Variants in MCC observed in about 807,000 individuals in gnomAD.
The protein encoded by MCC is colorectal mutant cancer protein.
MCC carries 90 observed loss-of-function variants against 116.2 expected under a neutral mutation model. That is an observed-to-expected ratio of 0.77 (90% confidence interval 0.65 to 0.92). MCC has a LOEUF of 0.92. Ranked by LOEUF, MCC falls within the 40% of genes least tolerant of loss-of-function variation. The pLI is 0.00. For synonymous variants in MCC, 578 were observed against 510.5 expected (o/e 1.13, Z -1.78); for missense variants, 1,516 against 1,312.2 (o/e 1.16, Z -2.40).
At chr5:113,445,323 T>G (rs1302254149) in intron 1 of MCC, among the ~76,000 whole-genome samples, 1 of 152,146 alleles carries the variant, frequency 6.6e-6, no homozygotes. Flanking sequence ...GCTGACAATA[T>G]AATTCTATAC....
chr5:113,483,965 G>T (rs1772446597), intron 1 of MCC, among the ~76,000 whole-genome samples: 1 of 152,130 alleles, frequency 6.6e-6, no homozygotes, highest in African/African-American at 2.4e-5. Context: ...ATATCACATG[G>T]TCTCACATAT....
At chr5:113,445,154 T>C (rs929809804) in intron 1 of MCC, among the ~76,000 whole-genome samples, 2 of 152,150 alleles carry the variant, frequency 1.3e-5, no homozygotes, top group South Asian at 2.1e-4. Flanking sequence ...AGTACCCTTA[T>C]TTATCTAAGT....
At chr5:113,242,247 T>A (rs1764397250) in intron 3 of MCC, among the ~76,000 whole-genome samples, 1 of 152,228 alleles carries the variant, frequency 6.6e-6, no homozygotes, top group Non-Finnish European at 1.5e-5. Flanking sequence ...GCTGAAAGAC[T>A]AAACTTGGAG....
chr5:113,385,840 T>G (rs1476462277), intron 1 of MCC, among the ~76,000 whole-genome samples: 1 of 152,198 alleles, frequency 6.6e-6, no homozygotes, highest in East Asian at 1.9e-4. Context: ...AATCTCAATG[T>G]CTTCCAGGAC....
Position 113,431,769 on chromosome 5 carries a change from G to A in MCC, c.171-46557C>T, listed in dbSNP as rs202185900. 8.1e-5 allele frequency among the ~76,000 whole-genome samples: 8 copies of A among 98,704 alleles called. 1 individual carries two copies. Among genetic ancestry groups the A allele is most frequent in the Admixed American group, 2.8e-4 (2 of 7,174 alleles). The allele number at this position is 98,704 out of a possible 152,430, so 64.8% of individuals were successfully genotyped here. A position where few individuals can be genotyped will look rare whatever the true frequency, so the allele number is the denominator to read the frequency against. On this transcript the variant is annotated intron_variant, in intron 1 of 18. Transcript: ENST00000408903. ...CCAGCAGTTTGGGAGGCCAAGGGGG[G>A]GGGGGGGTGGATCACGAGGTCAAGA...
intron 17 of MCC, among the ~76,000 whole-genome samples, chr5:113,040,462 C>T (rs1751626778): frequency 6.6e-6 from 1 of 152,148 alleles, no homozygotes; most frequent in African/African-American, 2.4e-5. Context: ...TGGTGTCTGG[C>T]ACCATCCTTT....
At chr5:113,197,174 T>C (rs1762453513) in intron 3 of MCC, among the ~76,000 whole-genome samples, 2 of 152,148 alleles carry the variant, frequency 1.3e-5, no homozygotes, top group Non-Finnish European at 2.9e-5. Context: ...CTTAAATACG[T>C]TCTGGGTCGA....
chr5:113,313,278 C>T (rs562150306), intron 3 of MCC, among the ~76,000 whole-genome samples: 17 of 152,146 alleles, frequency 1.1e-4, no homozygotes, highest in Admixed American at 7.9e-4. Flanking sequence ...ACCCAGGAGG[C>T]GGAGGTTGCA....
intron 3 of MCC, 89 bp downstream of exon 3, chr5:113,340,430 G>A (rs1417439568): frequency 3.2e-5 from 34 of 1,074,720 alleles, no homozygotes; most frequent in African/African-American, 1.1e-4. Flanking sequence ...GACAATACCC[G>A]ATATGTCCCC....
At chr5:113,442,693 A>G (rs1265010163) in intron 1 of MCC, among the ~76,000 whole-genome samples, 1 of 152,122 alleles carries the variant, frequency 6.6e-6, no homozygotes, top group Non-Finnish European at 1.5e-5. Context: ...TAAGGAAGGG[A>G]TCCAGTTTCA....
chr5:113,099,766 G>T (rs1384842183), intron 8 of MCC, among the ~76,000 whole-genome samples: 1 of 152,188 alleles, frequency 6.6e-6, no homozygotes, highest in Non-Finnish European at 1.5e-5. Flanking sequence ...ACACTGGAAA[G>T]TGGGGAAGGG....
At chr5:113,435,038 A>G in intron 1 of MCC, 3 of 609,726 alleles carry the variant, frequency 4.9e-6, no homozygotes, top group Non-Finnish European at 8.5e-6. Context: ...TGAAGTCACA[A>G]AGGAGGAGTG....
At position 113,327,417 on chromosome 5, in the gene MCC, G is replaced by A. The variant is rs1316654567; in HGVS notation, c.627+13102C>T. Among the ~76,000 whole-genome samples the A allele has an allele frequency of 2.0e-5, 3 of 151,002 alleles. No individual in the cohort carries two copies. In the East Asian group the frequency reaches 5.8e-4, roughly 29 times the overall value. On this transcript the variant is annotated intron_variant, in intron 3 of 18. Transcript: ENST00000408903. ...AAAAATTTGCCGGGTGTGGTGGTGTGAGCCTGTAGTCCCAGCTACTCGGGA... is the reference window on the plus strand; with the variant it reads ...AAAAATTTGCCGGGTGTGGTGGTGTAAGCCTGTAGTCCCAGCTACTCGGGA...
intron 8 of MCC, among the ~76,000 whole-genome samples, chr5:113,090,047 G>C (rs1400821750): frequency 6.6e-6 from 1 of 152,208 alleles, no homozygotes. Context: ...AAAGCAATTA[G>C]AACTGGATAG....
intron 6 of MCC, among the ~76,000 whole-genome samples, chr5:113,114,327 A>T (rs1373694960): frequency 6.6e-6 from 1 of 152,224 alleles, no homozygotes; most frequent in East Asian, 1.9e-4. Context: ...GGAGAGCGCA[A>T]GATGACTGAT....
intron 1 of MCC, among the ~76,000 whole-genome samples, chr5:113,472,444 G>A (rs543166353): frequency 1.3e-5 from 2 of 152,112 alleles, no homozygotes; most frequent in Non-Finnish European, 1.5e-5. Context: ...ATTTGTTTAT[G>A]CATGTGTATA....
chr5:113,246,671 C>G (rs960787277), intron 3 of MCC, among the ~76,000 whole-genome samples: 1 of 152,222 alleles, frequency 6.6e-6, no homozygotes, highest in Non-Finnish European at 1.5e-5. Context: ...TTCTTGAAAA[C>G]TGTCTCATCA....
At chr5:113,474,293 C>T (rs1447255058) in intron 1 of MCC, among the ~76,000 whole-genome samples, 1 of 152,022 alleles carries the variant, frequency 6.6e-6, no homozygotes. Flanking sequence ...GTGCAAGGTA[C>T]TAGGGCATCA....
intron 3 of MCC, among the ~76,000 whole-genome samples, chr5:113,298,812 A>T (rs539328661): frequency 3.9e-5 from 6 of 152,232 alleles, no homozygotes; most frequent in Non-Finnish European, 8.8e-5. Flanking sequence ...CGAGTAAACT[A>T]ACTTCCTCTT....
Sources: gnomAD v4.1 joint callset for allele counts (sites outside exome capture counted in the v4.1 genomes callset) on GRCh38, gnomAD v4.1.1 for gene constraint, MANE v1.5 for transcripts, NCBI Gene and HGNC (gene_info 2026-07-23, HGNC 2026-07-21) for gene names.